The following GALNTL6 variants were observed in gnomAD, a reference collection of about 807,000 sequenced individuals.
The protein encoded by GALNTL6 is polypeptide N-acetylgalactosaminyltransferase-like 6.
Under a neutral mutation model 73.7 loss-of-function variants are expected in GALNTL6, and 46 were observed. The ratio of observed to expected loss-of-function variants is 0.62; its 90% CI spans 0.49 to 0.80. The LOEUF is 0.80. Ranked by LOEUF, GALNTL6 falls within the 30% of genes least tolerant of loss-of-function variation. GALNTL6 has a pLI of 0.00. For synonymous variants in GALNTL6, 259 were observed against 263.7 expected, an observed-to-expected ratio of 0.98 and a Z score of 0.17; for missense variants, 604 against 755.0, an observed-to-expected ratio of 0.80 and a Z score of 2.34.
At chr4:172,416,956 T>G (rs1288522315) in intron 5 of GALNTL6, among the ~76,000 whole-genome samples, 1 of 152,198 alleles carries the variant, frequency 6.6e-6, no homozygotes, top group Non-Finnish European at 1.5e-5. Context: ...CATAAAGGTT[T>G]CAGTCCATGG....
At chr4:172,680,174 G>A (rs1167861074) in intron 5 of GALNTL6, among the ~76,000 whole-genome samples, 10 of 152,050 alleles carry the variant, frequency 6.6e-5, no homozygotes, top group Admixed American at 6.6e-4. Flanking sequence ...GTTTTTCCAT[G>A]TTTTAAGCTT....
intron 5 of GALNTL6, among the ~76,000 whole-genome samples, chr4:172,371,601 C>G (rs1009425684): frequency 3.3e-5 from 5 of 152,034 alleles, no homozygotes; most frequent in Admixed American, 2.0e-4. Context: ...CTCTTCCTCT[C>G]TTTCCTTCTT....
intron 5 of GALNTL6, among the ~76,000 whole-genome samples, chr4:172,442,399 A>G (rs1731866176): frequency 6.6e-6 from 1 of 152,190 alleles, no homozygotes; most frequent in South Asian, 2.1e-4. Flanking sequence ...TTGAAACCAG[A>G]AGTAAGAACA....
chr4:172,353,835 C>T (rs765824910), intron 5 of GALNTL6, among the ~76,000 whole-genome samples: 1 of 151,932 alleles, frequency 6.6e-6, no homozygotes, highest in Non-Finnish European at 1.5e-5. Flanking sequence ...CTTCACAGGG[C>T]TGAAAGTGTT....
At chr4:171,892,517 C>A (rs950745453) in intron 2 of GALNTL6, among the ~76,000 whole-genome samples, 3 of 152,010 alleles carry the variant, frequency 2.0e-5, no homozygotes, top group African/African-American at 7.2e-5. Context: ...TCTCATCATC[C>A]TCCTCTTCAT....
intron 2 of GALNTL6, among the ~76,000 whole-genome samples, chr4:172,066,124 C>T (rs1731355852): frequency 6.6e-6 from 1 of 152,146 alleles, no homozygotes; most frequent in South Asian, 2.1e-4. Context: ...TTGTTTACAT[C>T]AGGGTTCACT....
intron 7 of GALNTL6, among the ~76,000 whole-genome samples, chr4:172,834,049 G>A (rs372953808): frequency 6.6e-6 from 1 of 152,250 alleles, no homozygotes; most frequent in South Asian, 2.1e-4. Context: ...CCCAGGAGAC[G>A]GAGGTTGCAG....
At chr4:172,834,854 A>G (rs1043669683) in intron 7 of GALNTL6, among the ~76,000 whole-genome samples, 8 of 152,244 alleles carry the variant, frequency 5.3e-5, no homozygotes, top group South Asian at 2.1e-4. Context: ...AATGTTCTCT[A>G]TCTTCTTCAT....
chr4:172,666,234 A>G (rs1731654527), intron 5 of GALNTL6, among the ~76,000 whole-genome samples: 1 of 152,200 alleles, frequency 6.6e-6, no homozygotes, highest in South Asian at 2.1e-4. Flanking sequence ...ATTTTTCAGA[A>G]CTAGTACATG....
intron 2 of GALNTL6, among the ~76,000 whole-genome samples, chr4:171,930,021 T>C (rs979221954): frequency 6.6e-6 from 1 of 152,186 alleles, no homozygotes; most frequent in Non-Finnish European, 1.5e-5. Context: ...AGAAGTGAAC[T>C]AGCCACCCCA....
chr4:172,097,407 A>C (rs1732385710), intron 2 of GALNTL6, among the ~76,000 whole-genome samples: 1 of 152,128 alleles, frequency 6.6e-6, no homozygotes, highest in African/African-American at 2.4e-5. Flanking sequence ...CTGAGGTTGG[A>C]TAGATAACAG....
chr4:171,987,254 A>C (rs761402451), intron 2 of GALNTL6, among the ~76,000 whole-genome samples: 1 of 152,184 alleles, frequency 6.6e-6, no homozygotes, highest in Non-Finnish European at 1.5e-5. Flanking sequence ...CTTTTAGTCC[A>C]TTCTACTTTT....
chr4:172,433,694 C>A (rs76736577), intron 5 of GALNTL6, among the ~76,000 whole-genome samples: 3,959 of 148,992 alleles, frequency 0.027, 151 homozygotes, highest in African/African-American at 0.09. Context: ...TGCCCCTTGC[C>A]CAGTGATTTT....
intron 2 of GALNTL6, among the ~76,000 whole-genome samples, chr4:172,218,065 G>T (rs1170674832): frequency 6.6e-6 from 1 of 152,036 alleles, no homozygotes; most frequent in Admixed American, 6.6e-5. Flanking sequence ...GGGAAGGGAT[G>T]GGGGAGGGGA....
In GALNTL6 at chr4:172,910,009, GA is replaced by G. The variant is rs200802805; in HGVS notation, c.1042-21145del. On this transcript the variant is annotated intron_variant, in intron 8 of 12. Transcript: ENST00000506823. ...ATAATATCCAAGTCTATTGGTAAGT[GA>G]AAAAAAGGCAAAGTATATAGAACAA... 8.5e-3 allele frequency among the ~76,000 whole-genome samples: 1,290 copies of G among 151,300 alleles called. 14 individuals carry two copies. The highest frequency in any genetic ancestry group is 0.027 in the African/African-American group (1,124 of 41,302).
intron 2 of GALNTL6, among the ~76,000 whole-genome samples, chr4:172,113,465 T>C (rs1313246615): frequency 1.3e-5 from 2 of 152,046 alleles, no homozygotes; most frequent in East Asian, 3.8e-4. Flanking sequence ...TTTCTACTTC[T>C]TTTTCTATAG....
chr4:172,939,842 A>G (rs2111343224), intron 9 of GALNTL6, among the ~76,000 whole-genome samples: 1 of 152,360 alleles, frequency 6.6e-6, no homozygotes, highest in South Asian at 2.1e-4. Context: ...AAGGACCCAC[A>G]GAGAAGAAAT....
intron 5 of GALNTL6, among the ~76,000 whole-genome samples, chr4:172,462,996 A>C (rs1183329541): frequency 2.6e-5 from 4 of 152,208 alleles, no homozygotes; most frequent in Non-Finnish European, 5.9e-5. Context: ...AGGACTGCCT[A>C]AACACACCAA....
chr4:172,621,501 CT>C (rs1738954603), intron 5 of GALNTL6, among the ~76,000 whole-genome samples: 1 of 152,170 alleles, frequency 6.6e-6, no homozygotes, highest in Admixed American at 6.5e-5. Context: ...AATTAATCTA[CT>C]TCCAACTTCC....
Sources: gnomAD v4.1 joint callset for allele counts (sites outside exome capture counted in the v4.1 genomes callset) on GRCh38, gnomAD v4.1.1 for gene constraint, MANE v1.5 for transcripts, NCBI Gene and HGNC (gene_info 2026-07-23, HGNC 2026-07-21) for gene names.